Variants in ARMH3 observed in about 807,000 individuals in gnomAD.
ARMH3 encodes the protein armadillo like helical domain containing 3.
A neutral mutation model predicts 99.1 loss-of-function variants in ARMH3; 60 were observed. The ratio of observed to expected loss-of-function variants is 0.61; its 90% CI spans 0.49 to 0.75. The LOEUF (loss-of-function observed/expected upper bound fraction) is 0.75. Ranked by LOEUF, ARMH3 falls within the 30% of genes least tolerant of loss-of-function variation. ARMH3 has a pLI of 0.00. For synonymous variants in ARMH3, 285 were observed against 292.8 expected (o/e 0.97, Z 0.27); for missense variants, 679 against 843.1 (o/e 0.81, Z 2.41).
chr10:102,003,648 C>T (rs2066419147), intron 14 of ARMH3, among the ~76,000 whole-genome samples: 1 of 152,186 alleles, frequency 6.6e-6, no homozygotes. Context: ...ACTCAGTTGA[C>T]TTTGGGATAT....
intron 23 of ARMH3, among the ~76,000 whole-genome samples, chr10:101,901,526 C>T (rs567400538): frequency 4.6e-4 from 70 of 152,308 alleles, no homozygotes; most frequent in African/African-American, 1.6e-3. Flanking sequence ...TGGCGTTACT[C>T]GGCCCTAGCT....
chr10:101,899,043 G>A (rs942095262), intron 23 of ARMH3, among the ~76,000 whole-genome samples: 4 of 152,210 alleles, frequency 2.6e-5, no homozygotes, highest in Admixed American at 2.0e-4. Flanking sequence ...CAAGGCTTTA[G>A]AGAAAGGAGA....
intron 1 of ARMH3, among the ~76,000 whole-genome samples, chr10:102,045,152 G>T (rs949818005): frequency 1.4e-5 from 2 of 144,724 alleles, no homozygotes; most frequent in South Asian, 4.3e-4. Flanking sequence ...AAAAAAAAGA[G>T]CGAAACAAAA....
At chr10:101,970,869 A>G (rs1845736510) in intron 20 of ARMH3, among the ~76,000 whole-genome samples, 2 of 152,004 alleles carry the variant, frequency 1.3e-5, no homozygotes, top group African/African-American at 4.8e-5. Context: ...AATGATTAAA[A>G]AACAGGCCCT....
chr10:101,936,025 A>G (rs1280122265), intron 23 of ARMH3, among the ~76,000 whole-genome samples: 3 of 152,112 alleles, frequency 2.0e-5, no homozygotes, highest in East Asian at 1.9e-4. Context: ...ACTCATTACC[A>G]TTGGTTCACT....
intron 2 of ARMH3, among the ~76,000 whole-genome samples, chr10:102,037,562 ATTAT>A (rs1014134999): frequency 4.0e-5 from 6 of 151,222 alleles, no homozygotes; most frequent in Non-Finnish European, 7.4e-5. Flanking sequence ...TTTTAAATTA[ATTAT>A]TTATTTTATT....
At chr10:102,035,686 G>A (rs1210024608) in intron 2 of ARMH3, among the ~76,000 whole-genome samples, 8 of 152,252 alleles carry the variant, frequency 5.3e-5, no homozygotes, top group African/African-American at 1.7e-4. Context: ...GATTGCAGAC[G>A]GAGTCTCGTT....
chr10:101,963,878 CT>C (rs1177050739), intron 20 of ARMH3, among the ~76,000 whole-genome samples: 472 of 135,662 alleles, frequency 3.5e-3, no homozygotes, highest in African/African-American at 8.2e-3. Context: ...CTTTTTCTTT[CT>C]TTTTTTTTTT....
At chr10:101,920,620 C>T (rs951181226) in intron 23 of ARMH3, among the ~76,000 whole-genome samples, 2 of 152,122 alleles carry the variant, frequency 1.3e-5, no homozygotes, top group African/African-American at 4.8e-5. Context: ...AATAAATAAA[C>T]TGTGGTACAG....
At chr10:101,889,597 A>T (rs1020057966) in intron 23 of ARMH3, 107 bp from the exon 24 acceptor site, 5 of 984,340 alleles carry the variant, frequency 5.1e-6, no homozygotes, top group Non-Finnish European at 8.2e-6. Flanking sequence ...AGAGCATGGG[A>T]CCGATTGTGA....
chr10:101,909,999 C>G (rs977970241), intron 23 of ARMH3, among the ~76,000 whole-genome samples: 1 of 152,112 alleles, frequency 6.6e-6, no homozygotes, highest in Non-Finnish European at 1.5e-5. Flanking sequence ...CAACGTATTT[C>G]TATTGAATTA....
Position 101,885,998 on chromosome 10 carries a change from G to A in ARMH3, c.1860+3414C>T, listed in dbSNP as rs1023661871. On this transcript the variant is annotated intron_variant, in intron 24 of 25. Transcript: ENST00000370033. The stretch of plus-strand genomic sequence containing the variant: ...ATTGAACCCGAGAAGCAGAGGTTGC[G>A]GTGAGCCAAGATCGCGCCATTGCAC... Among the ~76,000 whole-genome samples the A allele has an allele frequency of 9.2e-5, 14 of 151,710 alleles. 1 individual carries two copies. In the South Asian group the frequency reaches 1.3e-3, roughly 14 times the overall value.
rs1564869379 is a variant in ARMH3 at position 102,033,267 on chromosome 10, T to C, written c.159+16A>G. The C allele has an allele frequency of 3.7e-6, 6 of 1,614,008 alleles. No homozygotes were observed. Among genetic ancestry groups the C allele is most frequent in the Non-Finnish European group, 3.4e-6 (4 of 1,179,976 alleles). ...TTTAGTTACCAGGAAATTCCACAGA[T>C]GCCACCAACTCTTACCTTCATGAGA... is the stretch of plus-strand genomic sequence containing the variant. On this transcript the variant is annotated intron_variant, in intron 3 of 25. Transcript: ENST00000370033.
At chr10:101,853,569 G>A (rs896313968) in intron 24 of ARMH3, among the ~76,000 whole-genome samples, 2 of 152,180 alleles carry the variant, frequency 1.3e-5, no homozygotes, top group East Asian at 3.9e-4. Context: ...CAACTCTAAA[G>A]GTCCTTCTCA....
At chr10:101,997,862 G>A (rs1847133542) in intron 15 of ARMH3, among the ~76,000 whole-genome samples, 1 of 152,136 alleles carries the variant, frequency 6.6e-6, no homozygotes, top group Non-Finnish European at 1.5e-5. Context: ...CATGGCGGTG[G>A]TGGAAACAGA....
chr10:101,929,198 G>T (rs1843624575), intron 23 of ARMH3, among the ~76,000 whole-genome samples: 1 of 152,126 alleles, frequency 6.6e-6, no homozygotes, highest in Admixed American at 6.5e-5. Context: ...TATTATTCCT[G>T]TTACTTTTGT....
At chr10:102,029,947 G>T (rs1422217659) in intron 4 of ARMH3, among the ~76,000 whole-genome samples, 2 of 150,512 alleles carry the variant, frequency 1.3e-5, no homozygotes, top group Non-Finnish European at 1.5e-5. Context: ...TTTGAGACAA[G>T]GTCTCGCTCT....
At chr10:101,930,923 A>G (rs1174499055) in intron 23 of ARMH3, among the ~76,000 whole-genome samples, 1 of 152,228 alleles carries the variant, frequency 6.6e-6, no homozygotes. Context: ...TAATCTCAAT[A>G]ATGACATAGG....
intron 23 of ARMH3, among the ~76,000 whole-genome samples, chr10:101,897,468 T>A (rs926098458): frequency 8.5e-5 from 13 of 152,222 alleles, no homozygotes; most frequent in Non-Finnish European, 7.3e-5. Flanking sequence ...GGAGCAAAAG[T>A]TGACACTGAT....
Sources: gnomAD v4.1 joint callset for allele counts (sites outside exome capture counted in the v4.1 genomes callset) on GRCh38, gnomAD v4.1.1 for gene constraint, MANE v1.5 for transcripts, NCBI Gene and HGNC (gene_info 2026-07-23, HGNC 2026-07-21) for gene names.